Variants in ADORA1 observed in about 807,000 individuals in gnomAD.
ADORA1 encodes adenosine receptor A1.
A neutral mutation model predicts 19.9 loss-of-function variants in ADORA1; 6 were observed. The ratio of observed to expected loss-of-function variants is 0.30; its 90% CI spans 0.17 to 0.59. The LOEUF (loss-of-function observed/expected upper bound fraction) is 0.59, where lower values mean the gene tolerates loss of function less well. ADORA1 is among the 20% of genes least tolerant of loss of function. The pLI, the probability that ADORA1 is intolerant of heterozygous loss-of-function variation, is 0.87. For missense variants in ADORA1, 302 were observed against 439.2 expected (o/e 0.69, Z 2.79); for synonymous variants, 194 against 188.4 (o/e 1.03, Z -0.24).
intron 3 of ADORA1, among the ~76,000 whole-genome samples, chr1:203,139,899 C>G (rs1016832807): frequency 6.6e-5 from 10 of 152,166 alleles, no homozygotes; most frequent in Non-Finnish European, 1.5e-4. Context: ...TTCAGTAAGG[C>G]CTTGGAGGCC....
At chr1:203,147,245 T>C (rs1174214513) in intron 3 of ADORA1, among the ~76,000 whole-genome samples, 5 of 152,208 alleles carry the variant, frequency 3.3e-5, no homozygotes, top group African/African-American at 1.2e-4. Flanking sequence ...GGTGTTGTGA[T>C]GGACTGCTAT....
intron 3 of ADORA1, among the ~76,000 whole-genome samples, chr1:203,151,841 A>G (rs566519774): frequency 6.7e-6 from 1 of 148,208 alleles, no homozygotes; most frequent in East Asian, 1.9e-4. Context: ...ATAAATATTT[A>G]TTTCTCTTTA....
intron 3 of ADORA1, among the ~76,000 whole-genome samples, chr1:203,142,569 G>C (rs1351686496): frequency 6.6e-6 from 1 of 152,222 alleles, no homozygotes; most frequent in Admixed American, 6.5e-5. Context: ...TAAGAGTTTA[G>C]AGGGTGGGGT....
chr1:203,163,703 A>G (rs1451148732), intron 3 of ADORA1, among the ~76,000 whole-genome samples: 2 of 152,140 alleles, frequency 1.3e-5, no homozygotes, highest in African/African-American at 4.8e-5. Flanking sequence ...GGTTCCTCCC[A>G]CTGGGCAAAT....
At chr1:203,144,480 T>C (rs1393475741) in intron 3 of ADORA1, among the ~76,000 whole-genome samples, 1 of 152,232 alleles carries the variant, frequency 6.6e-6, no homozygotes, top group African/African-American at 2.4e-5. Flanking sequence ...GAGGTCCTAA[T>C]AGTATTTTAT....
At chr1:203,145,065 C>CCA (rs3834026) in intron 3 of ADORA1, 35,896 of 152,062 alleles carry the variant, frequency 0.24, 5,780 homozygotes, top group African/African-American at 0.46. Flanking sequence ...TGAATTCAGT[C>CCA]CAGTCAAGGC....
intron 3 of ADORA1, among the ~76,000 whole-genome samples, chr1:203,134,584 G>C (rs555721844): frequency 3.3e-5 from 5 of 152,198 alleles, no homozygotes; most frequent in African/African-American, 1.2e-4. Context: ...TCAGCTCTGC[G>C]TGGAAGCCGG....
rs61731145 is a variant in ADORA1 at position 203,128,847 on chromosome 1, G to T, written c.6G>T (p.Pro2=). The change falls in exon 3 of 4, where the codon CCG becomes CCT. Residue 2 remains proline (P), a synonymous_variant. Coordinates refer to ENST00000337894, the MANE Select transcript of ADORA1 (RefSeq NM_000674.3). This position sits in a 1 kb window ranked among gnomAD's most constrained non-coding sequence, Gnocchi z 5.9. M[P]PSISAFQAAY... is the part of the protein sequence containing the mutation. ...GTGCCCAGCCTGTGCCCGCCATGCC[G>T]CCCTCCATCTCAGCTTTCCAGGCCG... 2 of 1,594,848 alleles carry T rather than the reference G, an allele frequency of 1.3e-6. No homozygotes were observed. The highest frequency in any genetic ancestry group is 2.2e-5 in the South Asian group (2 of 89,236).
chr1:203,150,721 G>C, intron 3 of ADORA1: 1 of 1,289,840 alleles, frequency 7.8e-7, no homozygotes, highest in Non-Finnish European at 1.0e-6. Flanking sequence ...GGAAGCACAA[G>C]CTGTGGAATG....
chr1:203,150,893 A>G, intron 3 of ADORA1: 1 of 1,039,992 alleles, frequency 9.6e-7, no homozygotes, highest in African/African-American at 1.7e-5. Flanking sequence ...GCCCAAGCTC[A>G]GTGACAGCAG....
In ADORA1 at chr1:203,162,579, C is replaced by T. The variant is rs540630347; in HGVS notation, c.342-2682C>T. 6.2e-4 allele frequency among the ~76,000 whole-genome samples: 94 copies of T among 152,314 alleles called. No homozygotes were observed. The Middle Eastern group carries it at 0.01, about 17-fold the overall frequency. On this transcript the variant is annotated intron_variant, in intron 3 of 3. Coordinates refer to ENST00000337894, the MANE Select transcript of ADORA1 (RefSeq NM_000674.3). Reference sequence around the variant, plus strand: ...CCCACCCCACTGACTCTGGGTGGTGCCTTCCTTGGGCAGAGTCTTGAAGTT... The same window carrying T: ...CCCACCCCACTGACTCTGGGTGGTGTCTTCCTTGGGCAGAGTCTTGAAGTT...
chr1:203,137,807 C>A (rs893066456), intron 3 of ADORA1, among the ~76,000 whole-genome samples: 1 of 152,138 alleles, frequency 6.6e-6, no homozygotes, highest in Non-Finnish European at 1.5e-5. Context: ...GGGCTCCCTC[C>A]CAGTCAGTAC....
At chr1:203,142,726 A>G (rs1333217934) in intron 3 of ADORA1, among the ~76,000 whole-genome samples, 1 of 151,926 alleles carries the variant, frequency 6.6e-6, no homozygotes, top group Non-Finnish European at 1.5e-5. Flanking sequence ...CTCTGCTTCC[A>G]GGGTGTGAAT....
At position 203,129,078 on chromosome 1, in the gene ADORA1, C is replaced by A. The variant is rs750174813; in HGVS notation, c.237C>A (p.Thr79=). The A allele has an allele frequency of 5.0e-6, 8 of 1,614,174 alleles. No homozygotes were observed. In the South Asian group the frequency reaches 7.7e-5, roughly 16 times the overall value. The change falls in exon 3 of 4, where the codon ACC becomes ACA. Residue 79 remains threonine (T), a synonymous_variant. Coordinates refer to ENST00000337894, the MANE Select transcript of ADORA1 (RefSeq NM_000674.3). The part of the protein sequence containing the change: ...INIGPQTYFH[T]CLMVACPVLI... Reference sequence around the variant, plus strand: ...TTGGGCCACAGACCTACTTCCACACCTGCCTCATGGTTGCCTGTCCGGTCC... The same window carrying A: ...TTGGGCCACAGACCTACTTCCACACATGCCTCATGGTTGCCTGTCCGGTCC...
intron 3 of ADORA1, among the ~76,000 whole-genome samples, chr1:203,160,063 G>A (rs932650390): frequency 7.2e-5 from 11 of 152,322 alleles, no homozygotes; most frequent in South Asian, 4.1e-4. Flanking sequence ...CAATCCTCAC[G>A]TGTTCTCCAT....
chr1:203,150,980 G>C lies in ADORA1; in HGVS notation c.342-14281G>C, dbSNP rs1252040232. The stretch of plus-strand genomic sequence containing the variant: ...CTCTTGTCACTCCAGACTGTCAGCA[G>C]GCATCCAACCTGCTTTCTAGGTCCC... On this transcript the variant is annotated intron_variant, in intron 3 of 3. Transcript: ENST00000337894. Among the ~76,000 whole-genome samples, 4 of 152,194 alleles carry C rather than the reference G, an allele frequency of 2.6e-5. No individual in the cohort carries two copies. In the East Asian group the frequency reaches 7.7e-4, roughly 29 times the overall value.
chr1:203,165,289 GCGGCGGTGGCCATAGC>G lies in ADORA1; in HGVS notation c.375_390del (p.Val126AlafsTer10). On this transcript the variant is annotated frameshift_variant, in exon 4 of 4. Coordinates refer to ENST00000337894, the MANE Select transcript of ADORA1 (RefSeq NM_000674.3). LOFTEE classifies it high-confidence loss of function. The surrounding 1 kb of genome is among the most constrained non-coding windows in gnomAD (Gnocchi z 5.9). ...CAAGATGGTGGTGACCCCCCGGAGG[GCGGCGGTGGCCATAGC>G]CGGCTGCTGGATCCTCTCCTTCGTG... 1 of 1,572,718 alleles carries G rather than the reference GCGGCGGTGGCCATAGC, an allele frequency of 6.4e-7. No individual in the cohort carries two copies. The highest frequency in any genetic ancestry group is 8.6e-7 in the Non-Finnish European group (1 of 1,159,390).
In ADORA1 at chr1:203,128,320, C is replaced by G; in HGVS notation, c.-170C>G. On this transcript the variant is annotated 5_prime_UTR_variant, in exon 2 of 4. Coordinates refer to ENST00000337894, the MANE Select transcript of ADORA1 (RefSeq NM_000674.3). The surrounding 1 kb of genome is among the most constrained non-coding windows in gnomAD (Gnocchi z 5.9). ...GCGGCGGGAGCCGGAGGACTATGAG[C>G]TGCCGCGCGTTGTCCAGAGCCCAGC... 2 of 1,286,758 alleles carry G rather than the reference C, an allele frequency of 1.6e-6. No individual in the cohort carries two copies. Among genetic ancestry groups the G allele is most frequent in the South Asian group, 2.5e-5 (2 of 80,834 alleles). 79.7% of individuals were successfully genotyped at this position (1,286,758 alleles called of 1,614,324 possible).
chr1:203,153,157 T>C (rs182012569), intron 3 of ADORA1, among the ~76,000 whole-genome samples: 11 of 152,206 alleles, frequency 7.2e-5, no homozygotes, highest in Non-Finnish European at 1.0e-4. Flanking sequence ...CTGTCAGTCA[T>C]GCATGAAACC....
Sources: allele counts gnomAD v4.1 joint callset (sites outside exome capture counted in the v4.1 genomes callset), GRCh38; gene constraint gnomAD v4.1.1; non-coding constraint Gnocchi (gnomAD v3.1); transcripts MANE v1.5; gene names NCBI Gene and HGNC (gene_info 2026-07-23, HGNC 2026-07-21).